Variants in IL6R observed in about 807,000 individuals in gnomAD.
The protein encoded by IL6R is interleukin-6 receptor subunit alpha.
IL6R carries 38 observed loss-of-function variants against 48.3 expected under a neutral mutation model. The ratio of observed to expected loss-of-function variants is 0.79; its 90% CI spans 0.61 to 1.03. The LOEUF is 1.03. IL6R is among the 50% of genes least tolerant of loss of function. The pLI is 0.00. For missense variants in IL6R, 534 were observed against 618.3 expected, an observed-to-expected ratio of 0.86 and a Z score of 1.45; for synonymous variants, 264 against 256.2, an observed-to-expected ratio of 1.03 and a Z score of -0.29.
At chr1:154,460,667 C>T (rs1218849385) in intron 9 of IL6R, among the ~76,000 whole-genome samples, 1 of 152,104 alleles carries the variant, frequency 6.6e-6, no homozygotes, top group Non-Finnish European at 1.5e-5. Context: ...TGTACAGCGC[C>T]ATGAAGTGTA....
At chr1:154,445,749 CAA>C (rs35455075) in intron 6 of IL6R, among the ~76,000 whole-genome samples, 8 of 134,268 alleles carry the variant, frequency 6.0e-5, no homozygotes, top group South Asian at 2.5e-4. Context: ...GACTCGGTCT[CAA>C]AAAAAAAAAA....
Position 154,418,500 on chromosome 1 carries a change from A to G in IL6R, c.86-10696A>G, listed in dbSNP as rs867395895. On this transcript the variant is annotated intron_variant, in intron 1 of 9. Coordinates refer to ENST00000368485, the MANE Select transcript of IL6R (RefSeq NM_000565.4). ...CAAATACATATGTGGGGGAGGAGGG[A>G]GCAGGGGCCTGCCAGCCAAAGCTAG... 36 of 749,070 alleles carry G rather than the reference A, an allele frequency of 4.8e-5. No homozygotes were observed. The Middle Eastern group carries it at 2.7e-3, about 55-fold the overall frequency. The allele number at this position is 749,070 out of a possible 1,614,324, so 46.4% of individuals were successfully genotyped here.
At chr1:154,464,818 A>C (rs1460874285) in intron 9 of IL6R, among the ~76,000 whole-genome samples, 2 of 151,988 alleles carry the variant, frequency 1.3e-5, no homozygotes, top group African/African-American at 2.4e-5. Flanking sequence ...AATCAGTCGG[A>C]TGTAGTGGCA....
At position 154,436,313 on chromosome 1, in the gene IL6R, C is replaced by T. The variant is rs147934900; in HGVS notation, c.949+203C>T. 2.4e-3 allele frequency among the ~76,000 whole-genome samples: 369 copies of T among 152,122 alleles called. 1 individual carries two copies. Among genetic ancestry groups the T allele is most frequent in the Middle Eastern group, 6.8e-3 (2 of 294 alleles). ...CCAACATGGTGAAACCCTGTCTCTACGAAAAATACAAAAAATTAGCTGGAC... is the reference window on the plus strand; with the variant it reads ...CCAACATGGTGAAACCCTGTCTCTATGAAAAATACAAAAAATTAGCTGGAC... On this transcript the variant is annotated intron_variant, in intron 6 of 9. Transcript: ENST00000368485.
intron 7 of IL6R, among the ~76,000 whole-genome samples, chr1:154,449,045 G>C (rs12403159): frequency 0.46 from 66,192 of 142,952 alleles, 16,524 homozygotes; most frequent in African/African-American, 0.63. Context: ...AGGCGCCCGC[G>C]ACCGCGCCTG....
chr1:154,422,120 A>G (rs151007065), intron 1 of IL6R, among the ~76,000 whole-genome samples: 134 of 151,372 alleles, frequency 8.9e-4, no homozygotes, highest in African/African-American at 2.9e-3. Context: ...CTAATTTTGT[A>G]TTTTTAGTAT....
At chr1:154,426,446 A>G (rs1688972354) in intron 1 of IL6R, among the ~76,000 whole-genome samples, 1 of 151,336 alleles carries the variant, frequency 6.6e-6, no homozygotes, top group Admixed American at 6.6e-5. Flanking sequence ...GCTTGAACCC[A>G]GGAGGTTGAG....
chr1:154,415,255 A>G (rs1688269399), intron 1 of IL6R: 1 of 592,860 alleles, frequency 1.7e-6, no homozygotes, highest in Non-Finnish European at 3.0e-6. Context: ...CTTTTCTGGT[A>G]TTGTTAAAAG....
At chr1:154,450,104 C>CTGAGTGTG (rs1553310150) in intron 8 of IL6R, 124 bp downstream of exon 8, 1 of 448,582 alleles carries the variant, frequency 2.2e-6, no homozygotes, top group Non-Finnish European at 4.2e-6. Flanking sequence ...CAGAAATGTT[C>CTGAGTGTG]TGTGTGTGTG....
chr1:154,458,464 C>T (rs753220783), intron 9 of IL6R, among the ~76,000 whole-genome samples: 8 of 152,194 alleles, frequency 5.3e-5, no homozygotes, highest in Non-Finnish European at 1.2e-4. Context: ...CCTAGGTATA[C>T]CCTCCTGTGT....
At chr1:154,422,544 T>G (rs181144987) in intron 1 of IL6R, among the ~76,000 whole-genome samples, 3 of 151,806 alleles carry the variant, frequency 2.0e-5, no homozygotes, top group Non-Finnish European at 4.4e-5. Flanking sequence ...AATATGGAGT[T>G]TTTTTTTTCC....
intron 6 of IL6R, 120 bp downstream of exon 6, chr1:154,436,230 C>G: frequency 9.0e-7 from 1 of 1,116,828 alleles, no homozygotes; most frequent in Non-Finnish European, 1.3e-6. Context: ...GTGGCTCACA[C>G]CTGTAATCCC....
rs772992976 is a variant in IL6R at position 154,465,364 on chromosome 1, A to T, written c.1391A>T (p.Tyr464Phe). ...RSPYDISNTD[Y>F]FFPR is the part of the protein sequence containing the mutation. ...CCTTATGACATCAGCAATACAGACT[A>T]CTTCTTCCCCAGATAGCTGGCTGGG... is the stretch of plus-strand genomic sequence containing the variant. The change falls in exon 10 of 10, where the codon TAC becomes TTC. Residue 464 changes from tyrosine (Y) to phenylalanine (F), a missense_variant. Coordinates refer to ENST00000368485, the MANE Select transcript of IL6R (RefSeq NM_000565.4). The T allele has an allele frequency of 6.2e-7, 1 of 1,614,062 alleles. No individual in the cohort carries two copies. Among genetic ancestry groups the T allele is most frequent in the Non-Finnish European group, 8.5e-7 (1 of 1,179,992 alleles).
Position 154,467,162 on chromosome 1 carries a change from C to T in IL6R, c.*1782C>T, listed in dbSNP as rs924399613. The T allele has an allele frequency of 3.3e-5, 5 of 152,176 alleles. No homozygotes were observed. Among genetic ancestry groups the T allele is most frequent in the African/African-American group, 9.7e-5 (4 of 41,442 alleles). The allele number at this position is 152,176 out of a possible 1,614,324, so 9.4% of individuals were successfully genotyped here. A position where few individuals can be genotyped will look rare whatever the true frequency, so the allele number is the denominator to read the frequency against. ...CCCATTTAAAAAAAATCCCTTACCT[C>T]GGTGCCTTCCTCTTTTTATTTAGTT... On this transcript the variant is annotated 3_prime_UTR_variant, in exon 10 of 10. Coordinates refer to ENST00000368485, the MANE Select transcript of IL6R (RefSeq NM_000565.4).
chr1:154,447,923 A>AG (rs1690364528), intron 6 of IL6R, among the ~76,000 whole-genome samples: 1 of 152,166 alleles, frequency 6.6e-6, no homozygotes, highest in Non-Finnish European at 1.5e-5. Context: ...CATGTTGGTC[A>AG]GGGTGGTCTC....
At chr1:154,434,433 C>G in intron 3 of IL6R, 86 bp from the exon 4 acceptor site, 1 of 1,215,844 alleles carries the variant, frequency 8.2e-7, no homozygotes, top group Non-Finnish European at 1.2e-6. Context: ...GGATTCAAAC[C>G]CCGGGATTCC....
At chr1:154,417,716 T>C (rs550328456) in intron 1 of IL6R, among the ~76,000 whole-genome samples, 92 of 148,672 alleles carry the variant, frequency 6.2e-4, no homozygotes, top group Non-Finnish European at 1.1e-3. Flanking sequence ...ATTACAGGCA[T>C]GCACCACTAT....
chr1:154,421,534 C>A (rs1418358643), intron 1 of IL6R, among the ~76,000 whole-genome samples: 4 of 152,204 alleles, frequency 2.6e-5, no homozygotes, highest in Non-Finnish European at 4.4e-5. Context: ...TGAGGGTGCT[C>A]ACACCCTCCA....
chr1:154,435,883 C>A, intron 5 of IL6R, 86 bp from the exon 6 acceptor site: 1 of 1,215,410 alleles, frequency 8.2e-7, no homozygotes, highest in Non-Finnish European at 1.1e-6. Flanking sequence ...AAGCACAGGG[C>A]TGGCCAAGGC....
Sources: gnomAD v4.1 joint callset for allele counts (sites outside exome capture counted in the v4.1 genomes callset) on GRCh38, gnomAD v4.1.1 for gene constraint, MANE v1.5 for transcripts, NCBI Gene and HGNC (gene_info 2026-07-23, HGNC 2026-07-21) for gene names.